CASK: variants seen among roughly 807,000 people sequenced by gnomAD.
CASK encodes calcium/calmodulin dependent serine protein kinase.
Under a neutral mutation model 82.9 loss-of-function variants are expected in CASK, and 4 were observed. The ratio of observed to expected loss-of-function variants is 0.05; its 90% CI spans 0.02 to 0.11. The LOEUF is 0.11. CASK is among the 10% of genes least tolerant of loss of function. The pLI is 1.00. For missense variants in CASK, 358 were observed against 720.9 expected (o/e 0.50, Z 5.76); for synonymous variants, 259 against 253.5 (o/e 1.02, Z -0.20).
chrX:41,848,774 G>T (rs1344041124), intron 2 of CASK, among the ~76,000 whole-genome samples: 1 of 111,692 alleles, frequency 9.0e-6, no homozygotes, highest in Non-Finnish European at 1.9e-5. Flanking sequence ...CTGTCAAGTT[G>T]CTGGTTTTCA....
At chrX:41,825,076 A>G (rs1294460305) in intron 2 of CASK, among the ~76,000 whole-genome samples, 1 of 111,941 alleles carries the variant, frequency 8.9e-6, no homozygotes, top group Non-Finnish European at 1.9e-5. Flanking sequence ...CTGCAAGAGT[A>G]TTTTTGGGTT....
intron 4 of CASK, among the ~76,000 whole-genome samples, chrX:41,744,135 A>G (rs2068643268): frequency 9.2e-6 from 1 of 109,263 alleles, no homozygotes; most frequent in African/African-American, 3.3e-5. Flanking sequence ...CCCGCAAAAA[A>G]AAAAAAACTT....
intron 1 of CASK, among the ~76,000 whole-genome samples, chrX:41,902,394 C>G (rs1053001192): frequency 9.0e-6 from 1 of 110,997 alleles, no homozygotes; most frequent in Non-Finnish European, 1.9e-5. Flanking sequence ...CCCTCTTCCT[C>G]CATCTTCAAA....
chrX:41,726,261 T>C (rs990164948), intron 5 of CASK, among the ~76,000 whole-genome samples: 1 of 112,616 alleles, frequency 8.9e-6, no homozygotes, highest in African/African-American at 3.2e-5. Flanking sequence ...TAACTACAGT[T>C]TTGACATACA....
Position 41,846,012 on chromosome X carries a change from G to C in CASK, c.172+7103C>G, listed in dbSNP as rs141898507. Among the ~76,000 whole-genome samples, 916 of 111,457 alleles carry C rather than the reference G, an allele frequency of 8.2e-3. 1 individual carries two copies. Among genetic ancestry groups the C allele is most frequent in the Non-Finnish European group, 0.013 (672 of 53,029 alleles). Reference sequence around the variant, plus strand: ...GTACAACTACTATGGAGAACAGTTTGGAGGTTCCTCAAAAAACTAAAAATA... The same window carrying C: ...GTACAACTACTATGGAGAACAGTTTCGAGGTTCCTCAAAAAACTAAAAATA... On this transcript the variant is annotated intron_variant, in intron 2 of 26. Transcript: ENST00000378163.
chrX:41,668,882 C>T (rs1040151387), intron 6 of CASK, among the ~76,000 whole-genome samples: 13 of 110,038 alleles, frequency 1.2e-4, no homozygotes, highest in African/African-American at 4.3e-4. Context: ...CTCTTGTCAC[C>T]ATGCCTGGCT....
At chrX:41,825,197 T>C (rs1379804833) in intron 2 of CASK, among the ~76,000 whole-genome samples, 1 of 111,376 alleles carries the variant, frequency 9.0e-6, no homozygotes, top group South Asian at 3.8e-4. Flanking sequence ...CCCATAAATA[T>C]ATACTCCTAC....
intron 9 of CASK, 25 bp downstream of exon 9, chrX:41,636,552 CT>C (rs1272407235): frequency 9.1e-6 from 9 of 990,705 alleles, no homozygotes; most frequent in Non-Finnish European, 1.3e-5. Context: ...ATCTGTTTGG[CT>C]TTTTTGCTGA....
chrX:41,804,965 C>T (rs1243945739), intron 2 of CASK, among the ~76,000 whole-genome samples: 1 of 111,826 alleles, frequency 8.9e-6, no homozygotes, highest in Non-Finnish European at 1.9e-5. Context: ...TGCTCTGTAC[C>T]GCAGACTGAT....
intron 5 of CASK, among the ~76,000 whole-genome samples, chrX:41,710,210 T>C (rs1273276006): frequency 1.8e-5 from 2 of 109,465 alleles, no homozygotes; most frequent in African/African-American, 6.7e-5. Context: ...TAGAAATCTT[T>C]ATCTACTTTT....
intron 2 of CASK, among the ~76,000 whole-genome samples, chrX:41,792,731 T>C (rs1569450669): frequency 8.9e-6 from 1 of 112,258 alleles, no homozygotes; most frequent in African/African-American, 3.2e-5. Flanking sequence ...TCCAATTCAA[T>C]GTATACAAAG....
chrX:41,559,606 C>A, intron 18 of CASK, 173 bp downstream of exon 18: 1 of 500,796 alleles, frequency 2.0e-6, no homozygotes, highest in Non-Finnish European at 3.6e-6. Flanking sequence ...GGAAGCAGGG[C>A]TGAGTAGGTG....
intron 25 of CASK, among the ~76,000 whole-genome samples, chrX:41,525,977 C>T (rs1294391112): frequency 3.6e-5 from 4 of 112,136 alleles, no homozygotes; most frequent in Non-Finnish European, 7.5e-5. Context: ...GGTAAGAAAG[C>T]TCTTTAAGCT....
chrX:41,586,707 A>G, intron 14 of CASK, 200 bp downstream of exon 14: 1 of 406,085 alleles, frequency 2.5e-6, no homozygotes, highest in Non-Finnish European at 4.3e-6. Context: ...CACTTCACCA[A>G]GAGTATCTTT....
intron 2 of CASK, among the ~76,000 whole-genome samples, chrX:41,836,033 A>G (rs895608494): frequency 8.9e-6 from 1 of 112,020 alleles, no homozygotes; most frequent in Non-Finnish European, 1.9e-5. Flanking sequence ...TTCAAAACAG[A>G]CACACATACA....
intron 3 of CASK, among the ~76,000 whole-genome samples, chrX:41,784,998 A>C (rs1412819645): frequency 9.4e-6 from 1 of 106,392 alleles, no homozygotes; most frequent in African/African-American, 3.4e-5. Flanking sequence ...CGTTTTTCAA[A>C]ATTCTTTTTT....
intron 5 of CASK, among the ~76,000 whole-genome samples, chrX:41,735,322 A>C (rs1463398653): frequency 2.7e-5 from 3 of 112,009 alleles, no homozygotes; most frequent in Admixed American, 9.5e-5. Context: ...CACTGAATAT[A>C]TATCTGAATG....
chrX:41,531,407 A>G (rs904680156), intron 24 of CASK, among the ~76,000 whole-genome samples, 198 bp from the exon 25 acceptor site: 14 of 111,914 alleles, frequency 1.3e-4, no homozygotes, highest in Admixed American at 1.2e-3. Flanking sequence ...GCATCACACC[A>G]TAGTAGCCAG....
chrX:41,850,351 T>C (rs1190749526), intron 2 of CASK, among the ~76,000 whole-genome samples: 1 of 111,420 alleles, frequency 9.0e-6, no homozygotes, highest in Non-Finnish European at 1.9e-5. Flanking sequence ...AAATAGCATA[T>C]GGTAGGTTCT....
Sources: gnomAD v4.1 joint callset for allele counts (sites outside exome capture counted in the v4.1 genomes callset) on GRCh38, gnomAD v4.1.1 for gene constraint, MANE v1.5 for transcripts, NCBI Gene and HGNC (gene_info 2026-07-23, HGNC 2026-07-21) for gene names.